The following TJP1 variants were observed in gnomAD, a reference collection of about 807,000 sequenced individuals.
The protein encoded by TJP1 is tight junction protein ZO-1.
In TJP1, 43 loss-of-function variants were observed where a neutral mutation model predicts 194.2. The ratio of observed to expected loss-of-function variants is 0.22; its 90% CI spans 0.17 to 0.29. The LOEUF (loss-of-function observed/expected upper bound fraction) is 0.29, where lower values mean the gene tolerates loss of function less well. Ranked by LOEUF, TJP1 falls within the 10% of genes least tolerant of loss-of-function variation. The pLI is 1.00. For missense variants in TJP1, 1,971 were observed against 2,185.7 expected, an observed-to-expected ratio of 0.90 and a Z score of 1.96; for synonymous variants, 801 against 779.0, an observed-to-expected ratio of 1.03 and a Z score of -0.47.
chr15:29,903,699 C>T (rs1420666865), intron 2 of TJP1, among the ~76,000 whole-genome samples: 2 of 152,220 alleles, frequency 1.3e-5, no homozygotes, highest in Non-Finnish European at 1.5e-5. Flanking sequence ...CCGCCTCGGC[C>T]TCCCAAAGTG....
intron 2 of TJP1, among the ~76,000 whole-genome samples, chr15:29,850,903 C>T (rs556819499): frequency 5.1e-4 from 77 of 152,034 alleles, no homozygotes; most frequent in South Asian, 1.9e-3. Context: ...TTTGGGAGGC[C>T]GAGGTAGGTG....
At chr15:29,856,860 A>G (rs1407893156) in intron 2 of TJP1, among the ~76,000 whole-genome samples, 1 of 151,450 alleles carries the variant, frequency 6.6e-6, no homozygotes, top group Admixed American at 6.6e-5. Context: ...TCCGTCTCAA[A>G]AAAAAAAAAA....
chr15:29,855,638 T>C (rs1371622621), intron 2 of TJP1, among the ~76,000 whole-genome samples: 1 of 152,004 alleles, frequency 6.6e-6, no homozygotes, highest in Non-Finnish European at 1.5e-5. Context: ...GGTGGATCAC[T>C]TGAGGTCAGG....
In TJP1 at chr15:29,737,324, G is replaced by A. The variant is rs45602341; in HGVS notation, c.1347C>T (p.Gly449=). ...GGNDVGIFVA[G]VLEDSPAAKE... ...TGGCTGCAGGGCTATCTTCTAGAAC[G>A]CCAGCTACAAATATTCCAACATCAT... Residue 449 remains glycine (G), a synonymous_variant, in exon 11 of 28, where the codon GGC becomes GGT. Coordinates refer to ENST00000614355, the MANE Select transcript of TJP1 (RefSeq NM_001330239.4). 1.9e-4 allele frequency: 313 copies of A among 1,614,108 alleles called. No homozygotes were observed. In the African/African-American group the frequency reaches 3.2e-3, roughly 17 times the overall value.
chr15:29,741,208 C>A (rs2044390023), intron 10 of TJP1, 123 bp downstream of exon 10: 3 of 663,308 alleles, frequency 4.5e-6, no homozygotes, highest in Non-Finnish European at 7.6e-6. Context: ...TAAAAATAAT[C>A]ATAGTATTAG....
At chr15:29,952,696 A>G (rs1422155362) in intron 2 of TJP1, among the ~76,000 whole-genome samples, 3 of 152,206 alleles carry the variant, frequency 2.0e-5, no homozygotes, top group African/African-American at 4.8e-5. Flanking sequence ...TACAAATTTG[A>G]TATGTATATA....
At chr15:29,853,656 A>T (rs1212870465) in intron 2 of TJP1, among the ~76,000 whole-genome samples, 1 of 152,196 alleles carries the variant, frequency 6.6e-6, no homozygotes, top group South Asian at 2.1e-4. Flanking sequence ...CCAAGCTATA[A>T]AAATTGAATG....
At chr15:29,940,700 T>C (rs2055041861) in intron 2 of TJP1, among the ~76,000 whole-genome samples, 1 of 152,196 alleles carries the variant, frequency 6.6e-6, no homozygotes, top group Admixed American at 6.5e-5. Context: ...TAATCTAAGA[T>C]CATCTCTGAA....
intron 10 of TJP1, chr15:29,741,031 T>C (rs1176417493): frequency 2.4e-5 from 5 of 209,160 alleles, no homozygotes; most frequent in Admixed American, 1.2e-4. Flanking sequence ...TAATGCTCCA[T>C]TGGAAAGCTG....
chr15:29,883,261 C>T (rs766268496), intron 2 of TJP1, among the ~76,000 whole-genome samples: 34 of 148,318 alleles, frequency 2.3e-4, no homozygotes, highest in Middle Eastern at 3.5e-3. Context: ...ACTTAAGTGA[C>T]GCTGGGTCCG....
At chr15:29,830,495 A>C (rs907215256) in intron 2 of TJP1, among the ~76,000 whole-genome samples, 78 of 150,542 alleles carry the variant, frequency 5.2e-4, no homozygotes, top group Non-Finnish European at 9.6e-4. Flanking sequence ...ATTTCAAAGT[A>C]ATATTAACAT....
At chr15:29,729,478 A>G (rs1205383540) in intron 15 of TJP1, 1 of 152,174 alleles carries the variant, frequency 6.6e-6, no homozygotes, top group African/African-American at 2.4e-5. Flanking sequence ...TTAAAAAAAA[A>G]AGATGATGTT....
At position 29,718,836 on chromosome 15, in the gene TJP1, A is replaced by G. The variant is rs765565612; in HGVS notation, c.3306T>C (p.Ser1102=). The G allele has an allele frequency of 4.3e-6, 7 of 1,614,166 alleles. No homozygotes were observed. Among genetic ancestry groups the G allele is most frequent in the Non-Finnish European group, 5.1e-6 (6 of 1,180,034 alleles). The stretch of plus-strand genomic sequence containing the variant: ...AGTGCTGATTATCAAAAGGTGGCCG[A>G]GATGGGTAGGGCTGTTTGTCATCAT... ...SYYDDKQPYP[S]RPPFDNQHSQ... Residue 1102 remains serine, a synonymous_variant, in exon 21 of 28, where the codon TCT becomes TCC. Transcript: ENST00000614355.
chr15:29,777,294 C>G (rs2047077727), intron 2 of TJP1, among the ~76,000 whole-genome samples: 1 of 152,166 alleles, frequency 6.6e-6, no homozygotes, highest in South Asian at 2.1e-4. Flanking sequence ...ACAAAGCCCA[C>G]AGTTTTAACC....
chr15:29,908,083 AAAG>A (rs1321275930), intron 2 of TJP1, among the ~76,000 whole-genome samples: 149 of 131,172 alleles, frequency 1.1e-3, no homozygotes, highest in Non-Finnish European at 1.7e-3. Context: ...AAAAAAAAAA[AAAG>A]AAGAAGAAGA....
intron 2 of TJP1, among the ~76,000 whole-genome samples, chr15:29,794,329 G>C (rs898102532): frequency 6.6e-6 from 1 of 152,138 alleles, no homozygotes; most frequent in African/African-American, 2.4e-5. Context: ...AGAATTGTGA[G>C]TTATATACCT....
intron 2 of TJP1, among the ~76,000 whole-genome samples, chr15:29,869,870 G>A (rs566588456): frequency 6.4e-4 from 83 of 129,794 alleles, no homozygotes; most frequent in African/African-American, 2.2e-3. Context: ...GCAGTGGCGC[G>A]ATCTCGGCTC....
chr15:29,953,139 G>GTTTTTTTTTTTTTTT (rs1406936700), intron 2 of TJP1, among the ~76,000 whole-genome samples: 1 of 64,726 alleles, frequency 1.5e-5, no homozygotes, highest in African/African-American at 5.0e-5. Context: ...AAAGAAGACA[G>GTTTTTTTTTTTTTTT]ATTTTTTTTT....
At chr15:29,813,157 A>G (rs1479723653) in intron 1 of TJP1, among the ~76,000 whole-genome samples, 1 of 152,090 alleles carries the variant, frequency 6.6e-6, no homozygotes, top group South Asian at 2.1e-4. Flanking sequence ...AGGTAAGTGG[A>G]TATCTTACTA....
Sources: allele counts gnomAD v4.1 joint callset (sites outside exome capture counted in the v4.1 genomes callset), GRCh38; gene constraint gnomAD v4.1.1; transcripts MANE v1.5; gene names NCBI Gene and HGNC (gene_info 2026-07-23, HGNC 2026-07-21).